Variants in TASOR observed in about 807,000 individuals in gnomAD.
The protein encoded by TASOR is transcription activation suppressor.
TASOR carries 53 observed loss-of-function variants against 178.6 expected under a neutral mutation model. The observed-to-expected ratio is 0.30, with a 90% CI of 0.24 to 0.37. The LOEUF is 0.37. TASOR is among the 10% of genes least tolerant of loss of function. The pLI, the probability that TASOR is intolerant of heterozygous loss-of-function variation, is 1.00. For synonymous variants in TASOR, 713 were observed against 696.2 expected, an observed-to-expected ratio of 1.02 and a Z score of -0.38; for missense variants, 1,815 against 1,971.4, an observed-to-expected ratio of 0.92 and a Z score of 1.50.
chr3:56,650,896 T>C (rs1578240315), intron 11 of TASOR, among the ~76,000 whole-genome samples: 1 of 152,354 alleles, frequency 6.6e-6, no homozygotes, highest in Non-Finnish European at 1.5e-5. Flanking sequence ...TTTTAGATAA[T>C]ATACTTCTTT....
chr3:56,665,842 T>G (rs1041699826), intron 7 of TASOR, among the ~76,000 whole-genome samples: 3 of 152,106 alleles, frequency 2.0e-5, no homozygotes, highest in African/African-American at 7.2e-5. Context: ...CATGGTGGTA[T>G]GTGCCTGTAG....
Position 56,661,037 on chromosome 3 carries a change from A to C in TASOR, c.1161-20T>G, listed in dbSNP as rs1578264906. On this transcript the variant is annotated intron_variant, in intron 9 of 23. Coordinates refer to ENST00000683822, the MANE Select transcript of TASOR (RefSeq NM_001365635.2). ...TCAGGTCTGAAAGAAAATTTTAAAAACATGTTTGCCTTATCTGTATTTTCA... is the reference window on the plus strand; with the variant it reads ...TCAGGTCTGAAAGAAAATTTTAAAACCATGTTTGCCTTATCTGTATTTTCA... The C allele has an allele frequency of 6.6e-7, 1 of 1,520,074 alleles. No individual in the cohort carries two copies. Among genetic ancestry groups the C allele is most frequent in the Non-Finnish European group, 9.0e-7 (1 of 1,108,390 alleles). 94.2% of individuals were successfully genotyped at this position (1,520,074 alleles called of 1,614,324 possible).
At chr3:56,642,569 A>C (rs2077147362) in intron 14 of TASOR, among the ~76,000 whole-genome samples, 1 of 152,194 alleles carries the variant, frequency 6.6e-6, no homozygotes, top group Non-Finnish European at 1.5e-5. Flanking sequence ...ATACTGTATG[A>C]CTCTAATTAT....
chr3:56,630,791 G>C (rs1292324176), intron 18 of TASOR, among the ~76,000 whole-genome samples: 1 of 152,022 alleles, frequency 6.6e-6, no homozygotes, highest in African/African-American at 2.4e-5. Context: ...GTTGCAGTGA[G>C]CCAAGATAGT....
chr3:56,632,426 G>C (rs1232943531), intron 18 of TASOR, among the ~76,000 whole-genome samples: 1 of 151,692 alleles, frequency 6.6e-6, no homozygotes, highest in Non-Finnish European at 1.5e-5. Context: ...AGTGAGCCGA[G>C]ATCACGCCAC....
At chr3:56,639,066 C>T (rs1262361651) in intron 16 of TASOR, among the ~76,000 whole-genome samples, 1 of 152,128 alleles carries the variant, frequency 6.6e-6, no homozygotes, top group Admixed American at 6.6e-5. Context: ...TACTAGGTTC[C>T]CTCTATCATC....
chr3:56,624,180 AAT>A (rs1430106197), intron 23 of TASOR, among the ~76,000 whole-genome samples: 1 of 152,174 alleles, frequency 6.6e-6, no homozygotes, highest in East Asian at 1.9e-4. Context: ...AATAGTAACC[AAT>A]AATGCTTACA....
Position 56,623,034 on chromosome 3 carries a change from C to A in TASOR, c.*3G>T. 2.0e-6 allele frequency: 3 copies of A among 1,507,616 alleles called. No homozygotes were observed. The highest frequency in any genetic ancestry group is 1.4e-5 in the South Asian group (1 of 70,836). The allele number at this position is 1,507,616 out of a possible 1,614,324, so 93.4% of individuals were successfully genotyped here. On this transcript the variant is annotated 3_prime_UTR_variant, in exon 24 of 24. Transcript: ENST00000683822. ...CAATCTCTTAAAAAAAAAGTTACTA[C>A]AGTTATTTCTCTTGTGAATATGGCC...
chr3:56,639,394 G>C (rs1214982894), intron 16 of TASOR, among the ~76,000 whole-genome samples: 1 of 138,684 alleles, frequency 7.2e-6, no homozygotes. Context: ...TTTGCACAGA[G>C]AAATTAGAAT....
chr3:56,630,477 C>T (rs958722931), intron 18 of TASOR, among the ~76,000 whole-genome samples: 2 of 152,140 alleles, frequency 1.3e-5, no homozygotes, highest in Admixed American at 6.5e-5. Flanking sequence ...ATATAAATGA[C>T]AGAAATGACT....
rs2076576894 is a variant in TASOR at position 56,621,325 on chromosome 3, T to C, written c.*1712A>G. ...TAAGAAAATTTTCATCCCTATTGAT[T>C]TTTATGCTAAAAACAGAATCTTACA... On this transcript the variant is annotated 3_prime_UTR_variant, in exon 24 of 24. Coordinates refer to ENST00000683822, the MANE Select transcript of TASOR (RefSeq NM_001365635.2). The C allele has an allele frequency of 2.7e-6, 1 of 377,136 alleles. No homozygotes were observed. The highest frequency in any genetic ancestry group is 4.2e-5 in the Admixed American group (1 of 23,658). 23.4% of individuals were successfully genotyped at this position (377,136 alleles called of 1,614,324 possible).
Position 56,646,604 on chromosome 3 carries a change from C to T in TASOR, c.2133G>A (p.Lys711=), listed in dbSNP as rs764859879. The T allele has an allele frequency of 2.5e-6, 4 of 1,613,418 alleles. No individual in the cohort carries two copies. Among genetic ancestry groups the T allele is most frequent in the Admixed American group, 3.3e-5 (2 of 60,002 alleles). Residue 711 remains lysine, a synonymous_variant, in exon 14 of 24, where the codon AAG becomes AAA. Coordinates refer to ENST00000683822, the MANE Select transcript of TASOR (RefSeq NM_001365635.2). ...TTTCAGGTAGATCCTCAAGCTTCCT[C>T]TTCAAGACAGTTTTGCTTCTCATAT... The part of the protein sequence containing the change: ...TEDMRSKTVL[K]RKLEDLPENM...
At chr3:56,631,045 C>T (rs923901217) in intron 18 of TASOR, among the ~76,000 whole-genome samples, 3 of 152,044 alleles carry the variant, frequency 2.0e-5, no homozygotes, top group Non-Finnish European at 2.9e-5. Flanking sequence ...CCAAAGAGTA[C>T]TGTGCTAGGG....
chr3:56,638,697 C>A lies in TASOR; in HGVS notation c.2824+9G>T. ...ACACTGGGAAGAAAAGCAAAGCAAG[C>A]CTTCTCACCTGGTGTTTGTTTCTCA... is the stretch of plus-strand genomic sequence containing the variant. On this transcript the variant is annotated intron_variant, in intron 17 of 23. Transcript: ENST00000683822. The A allele has an allele frequency of 6.2e-7, 1 of 1,614,050 alleles. No homozygotes were observed. Among genetic ancestry groups the A allele is most frequent in the Non-Finnish European group, 8.5e-7 (1 of 1,179,954 alleles).
rs773473328 is a variant in TASOR at position 56,660,945 on chromosome 3, A to T, written c.1233T>A (p.Phe411Leu). The T allele has an allele frequency of 5.5e-5, 89 of 1,612,016 alleles. 1 individual carries two copies. In the South Asian group the frequency reaches 9.0e-4, roughly 16 times the overall value. Residue 411 changes from phenylalanine (F) to leucine (L), a missense_variant, in exon 10 of 24, where the codon TTT becomes TTA. By Grantham distance (22) the Phe-to-Leu change is conservative (BLOSUM62 0). Coordinates refer to ENST00000683822, the MANE Select transcript of TASOR (RefSeq NM_001365635.2). ...HLKQKIPPALFYKETYLGPNE... is the reference protein window; with the variant it reads ...HLKQKIPPALLYKETYLGPNE... ...TTGGACCTAAGTATGTTTCCTTATA[A>T]AACAGTGCTGGAGGGATTTTCTGTT... is the stretch of plus-strand genomic sequence containing the variant.
At chr3:56,635,511 G>A (rs2076998757) in intron 17 of TASOR, among the ~76,000 whole-genome samples, 1 of 152,092 alleles carries the variant, frequency 6.6e-6, no homozygotes, top group Non-Finnish European at 1.5e-5. Flanking sequence ...GGCTGGGGCA[G>A]TATTACTTTC....
intron 1 of TASOR, among the ~76,000 whole-genome samples, chr3:56,674,461 G>A (rs1334032484): frequency 2.0e-5 from 3 of 151,946 alleles, no homozygotes; most frequent in African/African-American, 7.3e-5. Context: ...AGTGAGCCAC[G>A]TTCTCCCACC....
chr3:56,675,521 C>T (rs1299209401), intron 1 of TASOR, among the ~76,000 whole-genome samples: 3 of 152,148 alleles, frequency 2.0e-5, no homozygotes, highest in East Asian at 1.9e-4. Context: ...GCAATTAGTT[C>T]TTGAGAATTA....
At chr3:56,642,455 T>TA (rs1169249018) in intron 14 of TASOR, among the ~76,000 whole-genome samples, 1 of 152,220 alleles carries the variant, frequency 6.6e-6, no homozygotes, top group Admixed American at 6.5e-5. Context: ...TCATGTGCTT[T>TA]AATATTGGGG....
Sources: gnomAD v4.1 joint callset for allele counts (sites outside exome capture counted in the v4.1 genomes callset) on GRCh38, gnomAD v4.1.1 for gene constraint, MANE v1.5 for transcripts, NCBI Gene and HGNC (gene_info 2026-07-23, HGNC 2026-07-21) for gene names.